CNTRL: variants seen among roughly 807,000 people sequenced by gnomAD.
CNTRL encodes centriolin, also known as 110 kDa centrosomal protein.
A neutral mutation model predicts 303.7 loss-of-function variants in CNTRL; 233 were observed. The ratio of observed to expected loss-of-function variants is 0.77; its 90% CI spans 0.69 to 0.86. The LOEUF (loss-of-function observed/expected upper bound fraction) is 0.86, where lower values mean the gene tolerates loss of function less well. CNTRL is among the 40% of genes least tolerant of loss of function. The probability of loss-of-function intolerance (pLI) is 0.00; values close to 1 mark genes in which losing one functional copy is unlikely to be tolerated. For synonymous variants in CNTRL, 900 were observed against 922.2 expected, an observed-to-expected ratio of 0.98 and a Z score of 0.44; for missense variants, 2,524 against 2,650.6, an observed-to-expected ratio of 0.95 and a Z score of 1.05.
intron 39 of CNTRL, 75 bp from the exon 40 acceptor site, chr9:121,171,333 C>T: frequency 6.7e-7 from 1 of 1,499,680 alleles, no homozygotes; most frequent in Non-Finnish European, 9.3e-7. Context: ...AGTTATAGAG[C>T]TAGTGAGTGT....
chr9:121,135,335 C>A (rs1001632809), intron 14 of CNTRL, among the ~76,000 whole-genome samples: 1 of 152,166 alleles, frequency 6.6e-6, no homozygotes, highest in Non-Finnish European at 1.5e-5. Context: ...TATCCTTTTT[C>A]TAGCTACATA....
At position 121,165,045 on chromosome 9, in the gene CNTRL, C is replaced by G. The variant is rs1470081618; in HGVS notation, c.5526C>G (p.Asn1842Lys). 6.2e-7 allele frequency: 1 copy of G among 1,607,694 alleles called. No homozygotes were observed. The highest frequency in any genetic ancestry group is 2.3e-5 in the East Asian group (1 of 44,220). ...TGCAGCAGGAACTAGACCAACTAAA[C>G]AGAGACAAGTTGTCACTGCATAACG... The part of the protein sequence containing the change: ...RKLQQELDQL[N>K]RDKLSLHNDI... The change falls in exon 35 of 44, where the codon AAC (asparagine) becomes AAG (lysine). Residue 1842 changes from asparagine (N) to lysine (K), a missense_variant. By Grantham distance (94) the Asn-to-Lys change is moderately conservative (BLOSUM62 0). Coordinates refer to ENST00000373855, the MANE Select transcript of CNTRL (RefSeq NM_007018.6).
At chr9:121,090,169 A>G in intron 3 of CNTRL, 106 bp from the exon 4 acceptor site, 1 of 892,802 alleles carries the variant, frequency 1.1e-6, no homozygotes, top group Non-Finnish European at 1.5e-6. Flanking sequence ...TTTTTGGTAT[A>G]TTCATGGCTT....
chr9:121,141,983 T>C, intron 18 of CNTRL, 108 bp from the exon 19 acceptor site: 1 of 875,492 alleles, frequency 1.1e-6, no homozygotes, highest in South Asian at 1.9e-5. Flanking sequence ...TAGTAAAAAA[T>C]TAAGTTACAG....
At chr9:121,165,581 G>A (rs552286616) in intron 35 of CNTRL, among the ~76,000 whole-genome samples, 1 of 152,176 alleles carries the variant, frequency 6.6e-6, no homozygotes, top group South Asian at 2.1e-4. Context: ...TAATATACTT[G>A]TTGAACATTT....
intron 43 of CNTRL, among the ~76,000 whole-genome samples, chr9:121,176,197 C>T (rs1482122275): frequency 6.6e-6 from 1 of 152,134 alleles, no homozygotes. Context: ...GGAATCTGTA[C>T]AAAATGATAA....
intron 8 of CNTRL, 99 bp downstream of exon 8, chr9:121,108,094 G>A (rs1447978189): frequency 2.7e-6 from 2 of 727,890 alleles, no homozygotes; most frequent in Non-Finnish European, 4.3e-6. Flanking sequence ...ATATAATGGG[G>A]AAGATGTGGT....
chr9:121,130,043 T>G (rs1470201223), intron 14 of CNTRL, among the ~76,000 whole-genome samples: 1 of 152,250 alleles, frequency 6.6e-6, no homozygotes, highest in Non-Finnish European at 1.5e-5. Context: ...TGCCAGTATT[T>G]TATTGAGGAT....
intron 16 of CNTRL, among the ~76,000 whole-genome samples, chr9:121,139,176 A>G (rs2051363064): frequency 6.6e-6 from 1 of 152,210 alleles, no homozygotes; most frequent in South Asian, 2.1e-4. Flanking sequence ...GTGGGAATGT[A>G]TGTCAATATT....
rs1720930490 is a variant in CNTRL, at chr9:121,107,960, G to A, written c.967G>A (p.Glu323Lys). ...CATGTTACAGAAACAGAGCTGTGAGGAACTCAAGAGTGACTTAAACACAAA... is the reference window on the plus strand; with the variant it reads ...CATGTTACAGAAACAGAGCTGTGAGAAACTCAAGAGTGACTTAAACACAAA... ...EAMLQKQSCE[E>K]LKSDLNTKNE... Residue 323 changes from glutamate to lysine, a missense_variant, in exon 8 of 44, where the codon GAA (glutamate) becomes AAA (lysine). Transcript: ENST00000373855. The A allele has an allele frequency of 6.3e-7, 1 of 1,586,706 alleles. No homozygotes were observed. The highest frequency in any genetic ancestry group is 1.4e-5 in the African/African-American group (1 of 72,868).
rs760304117 is a variant in CNTRL, at chr9:121,168,238, T to C, written c.5987T>C (p.Val1996Ala). The C allele has an allele frequency of 6.2e-7, 1 of 1,614,026 alleles. No homozygotes were observed. The highest frequency in any genetic ancestry group is 8.5e-7 in the Non-Finnish European group (1 of 1,179,988). The change falls in exon 38 of 44, where the codon GTG (valine) becomes GCG (alanine). Residue 1996 changes from valine (V) to alanine (A), a missense_variant. Val to Ala is a moderately conservative substitution (Grantham distance 64, BLOSUM62 0). Transcript: ENST00000373855. ...KSKLDQVLSK[V>A]LAAEERVRTL... is the part of the protein sequence containing the mutation. Reference sequence around the variant, plus strand: ...AAACTGGACCAAGTGCTCTCAAAGGTGCTGGCAGCTGAAGAGCGTGTTAGG... The same window carrying C: ...AAACTGGACCAAGTGCTCTCAAAGGCGCTGGCAGCTGAAGAGCGTGTTAGG...
chr9:121,086,485 AT>A (rs1588051805), intron 2 of CNTRL, among the ~76,000 whole-genome samples: 1 of 152,298 alleles, frequency 6.6e-6, no homozygotes, highest in African/African-American at 2.4e-5. Context: ...ATCAAGCATT[AT>A]TATTACTGTG....
chr9:121,135,959 G>A lies in CNTRL; in HGVS notation c.2179G>A (p.Glu727Lys). Residue 727 changes from glutamate to lysine, a missense_variant, in exon 15 of 44, where the codon GAA (glutamate) becomes AAA (lysine). Physicochemically the swap from Glu to Lys is moderately conservative, Grantham distance 56. Transcript: ENST00000373855. The part of the protein sequence containing the change: ...AEANQLKEEL[E>K]KVTRLTQLEQ... ...AGCCAACCAGCTCAAGGAAGAGTTGGAAAAAGTAACAAGACTTACCCAGGT... is the reference window on the plus strand; with the variant it reads ...AGCCAACCAGCTCAAGGAAGAGTTGAAAAAAGTAACAAGACTTACCCAGGT... 10 of 1,610,552 alleles carry A rather than the reference G, an allele frequency of 6.2e-6. No homozygotes were observed. The highest frequency in any genetic ancestry group is 7.6e-6 in the Non-Finnish European group (9 of 1,177,676).
intron 38 of CNTRL, among the ~76,000 whole-genome samples, chr9:121,168,849 G>C (rs887439873): frequency 6.6e-6 from 1 of 152,130 alleles, no homozygotes; most frequent in Admixed American, 6.5e-5. Flanking sequence ...AGGCTCCAGG[G>C]TTTAATAATG....
intron 15 of CNTRL, among the ~76,000 whole-genome samples, chr9:121,138,119 A>G (rs2051295983): frequency 6.6e-6 from 1 of 152,176 alleles, no homozygotes. Flanking sequence ...ATTCTGATCC[A>G]GAATCTCTTT....
In CNTRL at chr9:121,170,601, G is replaced by A. The variant is rs150901821; in HGVS notation, c.6276+785G>A. Among the ~76,000 whole-genome samples the A allele has an allele frequency of 1.5e-3, 235 of 152,152 alleles. 1 individual carries two copies. Among genetic ancestry groups the A allele is most frequent in the Non-Finnish European group, 2.8e-3 (188 of 68,018 alleles). On this transcript the variant is annotated intron_variant, in intron 39 of 43. Coordinates refer to ENST00000373855, the MANE Select transcript of CNTRL (RefSeq NM_007018.6). ...CTCCTGAGTATCTGGAATTACAGGCGTGTGCCACCATGCCTGGATAATTTT... is the reference window on the plus strand; with the variant it reads ...CTCCTGAGTATCTGGAATTACAGGCATGTGCCACCATGCCTGGATAATTTT...
At chr9:121,134,243 C>A (rs1276565631) in intron 14 of CNTRL, among the ~76,000 whole-genome samples, 7 of 151,858 alleles carry the variant, frequency 4.6e-5, no homozygotes, top group Non-Finnish European at 1.0e-4. Context: ...ATCATTATTA[C>A]ACCTAAGAAA....
chr9:121,088,627 CTG>C, intron 3 of CNTRL, 84 bp downstream of exon 3: 2 of 732,650 alleles, frequency 2.7e-6, no homozygotes, highest in East Asian at 5.2e-5. Flanking sequence ...TTTGGTCCAA[CTG>C]TAACATTCTG....
chr9:121,138,677 C>CAGGT lies in CNTRL; in HGVS notation c.2337+1_2337+4dup. 1 of 1,613,090 alleles carries CAGGT rather than the reference C, an allele frequency of 6.2e-7. No homozygotes were observed. Among genetic ancestry groups the CAGGT allele is most frequent in the Non-Finnish European group, 8.5e-7 (1 of 1,179,484 alleles). On this transcript the variant is annotated frameshift_variant and splice_region_variant, in exon 16 of 44. Transcript: ENST00000373855. LOFTEE classifies it high-confidence loss of function. ...GCTCCATGCAAAACTTAAACACTTG[C>CAGGT]AGGTAGAGATTTGTTGTTTTAGAAT...
Sources: gnomAD v4.1 joint callset for allele counts (sites outside exome capture counted in the v4.1 genomes callset) on GRCh38, gnomAD v4.1.1 for gene constraint, MANE v1.5 for transcripts, NCBI Gene and HGNC (gene_info 2026-07-23, HGNC 2026-07-21) for gene names.